ANKUB1: variants seen among roughly 807,000 people sequenced by gnomAD.
The protein encoded by ANKUB1 is ankyrin repeat and ubiquitin domain containing 1, also known as protein ANKUB1.
In ANKUB1, 42 loss-of-function variants were observed where a neutral mutation model predicts 49.3. The observed-to-expected ratio is 0.85, with a 90% CI of 0.67 to 1.10. ANKUB1 has a LOEUF of 1.10. Ranked by LOEUF, ANKUB1 falls within the 50% of genes least tolerant of loss-of-function variation. The pLI is 0.00. For synonymous variants in ANKUB1, 222 were observed against 231.0 expected, an observed-to-expected ratio of 0.96 and a Z score of 0.35; for missense variants, 613 against 642.0, an observed-to-expected ratio of 0.95 and a Z score of 0.49.
intron 2 of ANKUB1, among the ~76,000 whole-genome samples, chr3:149,789,619 T>A (rs1370694769): frequency 6.8e-6 from 1 of 147,030 alleles, no homozygotes; most frequent in African/African-American, 2.5e-5. Context: ...TAATAAATAT[T>A]GAAGAATATT....
chr3:149,779,365 TCA>T (rs1286044500), intron 3 of ANKUB1: 2 of 152,092 alleles, frequency 1.3e-5, no homozygotes, highest in African/African-American at 4.8e-5. Flanking sequence ...GATGAGCATC[TCA>T]CTATGTTGCC....
At chr3:149,775,231 ACATGC>A (rs1195144445) in intron 3 of ANKUB1, among the ~76,000 whole-genome samples, 3 of 152,166 alleles carry the variant, frequency 2.0e-5, no homozygotes, top group Non-Finnish European at 4.4e-5. Flanking sequence ...GGGAGTCAAC[ACATGC>A]CTATCTGATT....
intron 5 of ANKUB1, among the ~76,000 whole-genome samples, chr3:149,763,015 C>A (rs187061218): frequency 2.0e-5 from 3 of 152,218 alleles, no homozygotes; most frequent in Non-Finnish European, 4.4e-5. Flanking sequence ...AAGGCTTTCA[C>A]TCAATCTATT....
rs1467826682 is a variant in ANKUB1, at chr3:149,767,830, GGGGAGTTTGTCCTGCTGCATTTT to G, written c.809_831del (p.Lys270ThrfsTer10). On this transcript the variant is annotated frameshift_variant, in exon 5 of 6. Transcript: ENST00000446160. LOFTEE classifies it high-confidence loss of function. ...TGCTTGTGTTTGAACACAATGGTCA[GGGGAGTTTGTCCTGCTGCATTTT>G]TGCATTCCAGGCACAGCACACTGTA... 4 of 1,551,604 alleles carry G rather than the reference GGGGAGTTTGTCCTGCTGCATTTT, an allele frequency of 2.6e-6. No homozygotes were observed. Among genetic ancestry groups the G allele is most frequent in the Non-Finnish European group, 3.5e-6 (4 of 1,146,998 alleles).
At chr3:149,773,430 C>T (rs1231792467) in intron 3 of ANKUB1, among the ~76,000 whole-genome samples, 5 of 152,138 alleles carry the variant, frequency 3.3e-5, no homozygotes, top group Non-Finnish European at 4.4e-5. Flanking sequence ...ATAACTCGGG[C>T]CTCAGCTAGA....
At chr3:149,788,369 C>A (rs1277723051) in intron 2 of ANKUB1, among the ~76,000 whole-genome samples, 1 of 151,844 alleles carries the variant, frequency 6.6e-6, no homozygotes, top group Non-Finnish European at 1.5e-5. Flanking sequence ...TCTGCCCTGG[C>A]TCTCTTGAAT....
At chr3:149,780,155 A>G (rs1717791614) in intron 3 of ANKUB1, 84 bp downstream of exon 3, 3 of 1,105,714 alleles carry the variant, frequency 2.7e-6, no homozygotes, top group Non-Finnish European at 2.6e-6. Flanking sequence ...CTAGATTTCT[A>G]TTTTCTCTTG....
chr3:149,789,786 C>T (rs902773213), intron 2 of ANKUB1, among the ~76,000 whole-genome samples: 10 of 151,966 alleles, frequency 6.6e-5, no homozygotes, highest in East Asian at 1.9e-4. Flanking sequence ...CATGCCATCA[C>T]GCGCAGCTAA....
chr3:149,775,358 C>T (rs1355219087), intron 3 of ANKUB1, among the ~76,000 whole-genome samples: 1 of 152,152 alleles, frequency 6.6e-6, no homozygotes, highest in East Asian at 1.9e-4. Context: ...TAAAAGCATA[C>T]TGGTTTGGCA....
chr3:149,763,828 A>C (rs1576665486), intron 5 of ANKUB1: 1 of 443,764 alleles, frequency 2.3e-6, no homozygotes, highest in East Asian at 7.0e-5. Context: ...CCAAACCCAC[A>C]TTAGCGCTTG....
At chr3:149,773,947 A>T (rs1218236568) in intron 3 of ANKUB1, among the ~76,000 whole-genome samples, 2 of 152,110 alleles carry the variant, frequency 1.3e-5, no homozygotes, top group African/African-American at 2.4e-5. Flanking sequence ...GGATTGCTTG[A>T]GGCCAGGAGT....
rs766783858 is a variant in ANKUB1, at chr3:149,761,501, G to A, written c.1618C>T (p.Leu540=). ...RGGLTACENS[L]ETVL ...ATGACTTTTCAAAGCACAGTTTCTA[G>A]AGAGTTTTCACACGCTGTCAGACCT... is the stretch of plus-strand genomic sequence containing the variant. The change falls in exon 6 of 6, where the codon CTA becomes TTA. Residue 540 remains leucine, a synonymous_variant. Coordinates refer to ENST00000446160, the MANE Select transcript of ANKUB1 (RefSeq NM_001144960.3). 5.8e-6 allele frequency: 9 copies of A among 1,551,374 alleles called. 1 individual carries two copies. The South Asian group carries it at 1.1e-4, about 18-fold the overall frequency.
At chr3:149,790,426 T>G (rs1036417541) in intron 2 of ANKUB1, among the ~76,000 whole-genome samples, 2 of 152,176 alleles carry the variant, frequency 1.3e-5, no homozygotes, top group Non-Finnish European at 2.9e-5. Context: ...CTGCCAGTAA[T>G]CACTGTGGCC....
intron 5 of ANKUB1, 111 bp downstream of exon 5, chr3:149,767,046 G>T: frequency 1.7e-6 from 2 of 1,149,198 alleles, no homozygotes; most frequent in Non-Finnish European, 2.4e-6. Context: ...TGATGCACTG[G>T]AACAACTTGT....
chr3:149,791,005 T>A (rs1718336007), intron 1 of ANKUB1, 81 bp from the exon 2 acceptor site: 1 of 1,366,766 alleles, frequency 7.3e-7, no homozygotes, highest in African/African-American at 1.5e-5. Context: ...CCCTTTACAT[T>A]TTTTTCCTCT....
intron 5 of ANKUB1, chr3:149,766,817 A>AAGAAGCAGCAGCAGCAGC (rs1717039078): frequency 1.2e-6 from 1 of 815,264 alleles, no homozygotes; most frequent in Non-Finnish European, 1.8e-6. Flanking sequence ...GAAAAAAGAA[A>AAGAAGCAGCAGCAGCAGC]AGCAGCAGCA....
At chr3:149,792,123 T>G (rs1017854862) in intron 1 of ANKUB1, among the ~76,000 whole-genome samples, 154 bp downstream of exon 1, 7 of 152,222 alleles carry the variant, frequency 4.6e-5, no homozygotes, top group African/African-American at 1.4e-4. Context: ...CTTATAAATC[T>G]ATTGTGTAAG....
rs1274070432 is a variant in ANKUB1, at chr3:149,761,471, T to C, written c.*13A>G. 6.4e-7 allele frequency: 1 copy of C among 1,550,892 alleles called. No homozygotes were observed. Among genetic ancestry groups the C allele is most frequent in the African/African-American group, 1.4e-5 (1 of 73,024 alleles). On this transcript the variant is annotated 3_prime_UTR_variant, in exon 6 of 6. Coordinates refer to ENST00000446160, the MANE Select transcript of ANKUB1 (RefSeq NM_001144960.3). Reference sequence around the variant, plus strand: ...GATCAGGTCTTTGTCCAAACTGAAGTTGTCATGACTTTTCAAAGCACAGTT... The same window carrying C: ...GATCAGGTCTTTGTCCAAACTGAAGCTGTCATGACTTTTCAAAGCACAGTT...
At position 149,767,625 on chromosome 3, in the gene ANKUB1, G is replaced by A; in HGVS notation, c.1037C>T (p.Thr346Ile). 1.3e-6 allele frequency: 2 copies of A among 1,551,682 alleles called. No homozygotes were observed. The highest frequency in any genetic ancestry group is 1.7e-6 in the Non-Finnish European group (2 of 1,146,990). Residue 346 changes from threonine (T) to isoleucine (I), a missense_variant, in exon 5 of 6, where the codon ACT becomes ATT. By Grantham distance (89) the Thr-to-Ile change is moderately conservative (BLOSUM62 -1). Coordinates refer to ENST00000446160, the MANE Select transcript of ANKUB1 (RefSeq NM_001144960.3). The part of the protein sequence containing the change: ...ARVFGAKVGD[T>I]VMVDGFTKPK... The stretch of plus-strand genomic sequence containing the variant: ...TTTGGTGAAACCATCCACCATCACA[G>A]TGTCTCCAACTTTTGCCCCAAAGAC...
Sources: allele counts gnomAD v4.1 joint callset (sites outside exome capture counted in the v4.1 genomes callset), GRCh38; gene constraint gnomAD v4.1.1; transcripts MANE v1.5; gene names NCBI Gene and HGNC (gene_info 2026-07-23, HGNC 2026-07-21).